The following NAF1 variants were observed in gnomAD, a reference collection of about 807,000 sequenced individuals.
NAF1 encodes the protein H/ACA ribonucleoprotein complex non-core subunit NAF1.
Under a neutral mutation model 40.6 loss-of-function variants are expected in NAF1, and 11 were observed. The observed-to-expected ratio is 0.27, with a 90% confidence interval of 0.17 to 0.45. NAF1 has a LOEUF of 0.45. Among genes scored for constraint, NAF1 ranks in the 20% least tolerant of loss-of-function variants. The pLI, the probability that NAF1 is intolerant of heterozygous loss-of-function variation, is 1.00. For missense variants in NAF1, 607 were observed against 611.1 expected (o/e 0.99, Z 0.07); for synonymous variants, 260 against 228.5 (o/e 1.14, Z -1.24).
chr4:163,154,890 C>A (rs201759048), intron 2 of NAF1, among the ~76,000 whole-genome samples: 68 of 141,468 alleles, frequency 4.8e-4, no homozygotes, highest in South Asian at 1.3e-3. Flanking sequence ...AAAACAAAAA[C>A]AAAAAAAAAA....
chr4:163,109,816 T>C (rs901774704), downstream of NAF1, among the ~76,000 whole-genome samples: 3 of 152,198 alleles, frequency 2.0e-5, no homozygotes, highest in African/African-American at 4.8e-5. Flanking sequence ...ATTACTGTCA[T>C]CTTCAGTGAG....
chr4:163,164,978 T>G (rs1293168331), intron 1 of NAF1, among the ~76,000 whole-genome samples: 1 of 152,130 alleles, frequency 6.6e-6, no homozygotes, highest in Non-Finnish European at 1.5e-5. Flanking sequence ...TTGAAGCCCT[T>G]TTATATACTA....
At chr4:163,123,206 T>C (rs1326429359), downstream of NAF1, among the ~76,000 whole-genome samples, 1 of 152,136 alleles carries the variant, frequency 6.6e-6, no homozygotes, top group South Asian at 2.1e-4. Flanking sequence ...AGAGGTGCCA[T>C]GCTCTTTTAA....
chr4:163,148,072 T>A (rs1245852698), intron 3 of NAF1, among the ~76,000 whole-genome samples: 2 of 152,106 alleles, frequency 1.3e-5, no homozygotes, highest in African/African-American at 4.8e-5. Context: ...TAATTTGGTA[T>A]AGCAACATTA....
intron 2 of NAF1, among the ~76,000 whole-genome samples, chr4:163,115,231 C>CAA (rs1289671046): frequency 9.3e-6 from 1 of 107,252 alleles, no homozygotes; most frequent in Non-Finnish European, 1.8e-5. Flanking sequence ...TTTTTTGAGA[C>CAA]AGAGTCTCGC....
exon 3 of NAF1, chr4:163,110,173 T>C: frequency 1.6e-6 from 1 of 621,110 alleles, no homozygotes; most frequent in Non-Finnish European, 2.9e-6. Context: ...AATGCTTGAC[T>C]AGGCTGGTAG....
chr4:163,110,522 A>G (rs1730128973), intron 2 of NAF1, among the ~76,000 whole-genome samples: 1 of 152,160 alleles, frequency 6.6e-6, no homozygotes, highest in African/African-American at 2.4e-5. Flanking sequence ...CTGGTCTTGG[A>G]ACATATCCCC....
chr4:163,110,289 G>C (rs755514629), exon 3 of NAF1: 6 of 701,064 alleles, frequency 8.6e-6, no homozygotes, highest in East Asian at 2.7e-5. Context: ...GTCAACCATG[G>C]TCTGAAAATA....
intron 2 of NAF1, chr4:163,119,929 C>G (rs990931208): frequency 7.9e-5 from 12 of 152,218 alleles, no homozygotes; most frequent in African/African-American, 2.9e-4. Flanking sequence ...CAGAATTCAT[C>G]TGAACTTACG....
At chr4:163,113,741 A>G (rs1377859140) in intron 2 of NAF1, among the ~76,000 whole-genome samples, 1 of 152,196 alleles carries the variant, frequency 6.6e-6, no homozygotes. Flanking sequence ...AATCAAATCA[A>G]TGCAAAAGCC....
chr4:163,160,677 G>C (rs1219015917), intron 2 of NAF1, among the ~76,000 whole-genome samples: 2 of 152,138 alleles, frequency 1.3e-5, no homozygotes, highest in Non-Finnish European at 1.5e-5. Context: ...TTTAGAAAGT[G>C]GTTGGACATA....
At chr4:163,104,754 A>C in the NAF1 span, among the ~76,000 whole-genome samples, 1 of 152,250 alleles carries the variant, frequency 6.6e-6, no homozygotes, top group East Asian at 1.9e-4. Context: ...AAGAGGTTCC[A>C]TAAGAATCCT....
chr4:163,115,199 A>ATTTTTTTTTTTTTTTTTTTTTT lies in NAF1; in HGVS notation c.115-4910_115-4909insAAAAAAAAAAAAAAAAAAAAAA, dbSNP rs201172406. Among the ~76,000 whole-genome samples, 3 of 103,708 alleles carry ATTTTTTTTTTTTTTTTTTTTTT rather than the reference A, an allele frequency of 2.9e-5. 1 individual carries two copies. Among genetic ancestry groups the ATTTTTTTTTTTTTTTTTTTTTT allele is most frequent in the Non-Finnish European group, 3.7e-5 (2 of 54,224 alleles). 68.0% of individuals were successfully genotyped at this position (103,708 alleles called of 152,430 possible). A position where few individuals can be genotyped will look rare whatever the true frequency, so the allele number is the denominator to read the frequency against. On this transcript the variant is annotated intron_variant, in intron 2 of 2. Transcript: ENST00000509434. ...ATACTATTGGCGATATAGGACAATA[A>ATTTTTTTTTTTTTTTTTTTTTT]TTTTTTTATTTATTTTTTTTTTTTT... is the stretch of plus-strand genomic sequence containing the variant.
chr4:163,138,766 T>C (rs1395069495), intron 5 of NAF1, among the ~76,000 whole-genome samples: 1 of 152,134 alleles, frequency 6.6e-6, no homozygotes, highest in Non-Finnish European at 1.5e-5. Context: ...TTATCTAAAA[T>C]CTATTTAAAA....
chr4:163,166,568 C>T lies in NAF1; in HGVS notation c.160G>A (p.Gly54Arg). Residue 54 changes from glycine (G) to arginine (R), a missense_variant, in exon 1 of 8, where the codon GGG becomes AGG. Coordinates refer to ENST00000274054, the MANE Select transcript of NAF1 (RefSeq NM_138386.3). ...LQSFEGSPDA[G>R]QTVEVKPAGE... ...GCAGGCTTAACCTCCACGGTCTGCC[C>T]AGCGTCCGGGGACCCCTCAAACGAC... is the stretch of plus-strand genomic sequence containing the variant. 6.2e-7 allele frequency: 1 copy of T among 1,607,196 alleles called. No homozygotes were observed.
chr4:163,127,409 C>T (rs1049439899), downstream of NAF1, among the ~76,000 whole-genome samples: 1 of 152,232 alleles, frequency 6.6e-6, no homozygotes, highest in East Asian at 1.9e-4. Flanking sequence ...GGATTACAGG[C>T]ATGAGCCACT....
downstream of NAF1, among the ~76,000 whole-genome samples, chr4:163,106,163 G>A (rs992261975): frequency 1.3e-5 from 2 of 152,020 alleles, no homozygotes; most frequent in African/African-American, 4.8e-5. Flanking sequence ...CCCAAACAAA[G>A]ACATAATATT....
intron 6 of NAF1, among the ~76,000 whole-genome samples, chr4:163,134,590 C>T (rs1194553941): frequency 1.3e-5 from 2 of 151,968 alleles, no homozygotes; most frequent in Admixed American, 1.3e-4. Flanking sequence ...ACAAGTGCTA[C>T]GACTTAATGC....
chr4:163,134,426 T>C (rs892868884), intron 6 of NAF1, among the ~76,000 whole-genome samples: 2 of 152,172 alleles, frequency 1.3e-5, no homozygotes, highest in Non-Finnish European at 2.9e-5. Context: ...CATGAACTAA[T>C]TGTATGCCTT....
Sources: gnomAD v4.1 joint callset for allele counts (sites outside exome capture counted in the v4.1 genomes callset) on GRCh38, gnomAD v4.1.1 for gene constraint, MANE v1.5 for transcripts, NCBI Gene and HGNC (gene_info 2026-07-23, HGNC 2026-07-21) for gene names.